CATSPERT: variants seen among roughly 807,000 people sequenced by gnomAD.
CATSPERT encodes the protein catsper channel auxiliary subunit tau.
the CATSPERT span, among the ~76,000 whole-genome samples, chr2:201,559,085 T>C: frequency 6.6e-6 from 1 of 152,186 alleles, no homozygotes; most frequent in African/African-American, 2.4e-5. Context: ...GCAGCTGATA[T>C]ATCCCTGGGC....
chr2:201,592,140 A>C, the CATSPERT span, among the ~76,000 whole-genome samples: 2 of 152,258 alleles, frequency 1.3e-5, no homozygotes, highest in East Asian at 3.9e-4. Context: ...GATAGCTCTT[A>C]TTATTTTGAA....
At chr2:201,534,384 A>C in the CATSPERT span, 1 of 980,812 alleles carries the variant, frequency 1.0e-6, no homozygotes, top group Non-Finnish European at 1.2e-6. Flanking sequence ...ATACAGCAAT[A>C]AATAACTTAC....
chr2:201,588,894 A>G, the CATSPERT span, among the ~76,000 whole-genome samples: 6 of 152,188 alleles, frequency 3.9e-5, no homozygotes, highest in African/African-American at 1.4e-4. Flanking sequence ...TAAAACTGAT[A>G]AACAACTTCA....
At chr2:201,502,180 C>A in the CATSPERT span, among the ~76,000 whole-genome samples, 2 of 152,198 alleles carry the variant, frequency 1.3e-5, no homozygotes, top group African/African-American at 2.4e-5. Context: ...CTCCAAAAAA[C>A]GTTTCTACTG....
chr2:201,560,746 T>G, the CATSPERT span, among the ~76,000 whole-genome samples: 2 of 151,694 alleles, frequency 1.3e-5, no homozygotes. Flanking sequence ...TAAATGAGAA[T>G]GCGCTGACCA....
At chr2:201,573,009 GT>G in the CATSPERT span, among the ~76,000 whole-genome samples, 1 of 152,196 alleles carries the variant, frequency 6.6e-6, no homozygotes, top group Non-Finnish European at 1.5e-5. Flanking sequence ...GCAAATAAAG[GT>G]CATTTCCCCT....
the CATSPERT span, among the ~76,000 whole-genome samples, chr2:201,598,781 A>T: frequency 6.6e-6 from 1 of 152,072 alleles, no homozygotes; most frequent in Non-Finnish European, 1.5e-5. Context: ...GGGTTTCACC[A>T]TGTTAATCAG....
At chr2:201,566,545 T>C in the CATSPERT span, among the ~76,000 whole-genome samples, 8,288 of 152,022 alleles carry the variant, frequency 0.055, 269 homozygotes, top group African/African-American at 0.079. Context: ...TCATCCTTTT[T>C]TATGGCTGCA....
the CATSPERT span, among the ~76,000 whole-genome samples, chr2:201,524,449 G>A: frequency 6.6e-6 from 1 of 152,116 alleles, no homozygotes; most frequent in African/African-American, 2.4e-5. Context: ...CATCAGAACT[G>A]CCTTACAAGA....
At chr2:201,496,555 C>T in the CATSPERT span, among the ~76,000 whole-genome samples, 1 of 152,202 alleles carries the variant, frequency 6.6e-6, no homozygotes, top group Non-Finnish European at 1.5e-5. Context: ...GTTGGCCAGG[C>T]TGGTCTCGAA....
chr2:201,521,427 C>A, the CATSPERT span, among the ~76,000 whole-genome samples: 1 of 96,676 alleles, frequency 1.0e-5, no homozygotes, highest in Non-Finnish European at 2.3e-5. Flanking sequence ...GAGAGAGAGA[C>A]AGACAGAGAG....
the CATSPERT span, among the ~76,000 whole-genome samples, chr2:201,509,124 A>G: frequency 6.6e-6 from 1 of 150,760 alleles, no homozygotes; most frequent in Non-Finnish European, 1.5e-5. Flanking sequence ...AACAGTGCAC[A>G]AGGGTTCCAA....
chr2:201,605,320 GC>G, the CATSPERT span, among the ~76,000 whole-genome samples: 1 of 152,106 alleles, frequency 6.6e-6, no homozygotes, highest in Non-Finnish European at 1.5e-5. Context: ...CACAGCAATG[GC>G]CATAGAGAAG....
At chr2:201,603,120 A>C in the CATSPERT span, 1 of 943,818 alleles carries the variant, frequency 1.1e-6, no homozygotes, top group Non-Finnish European at 1.6e-6. Flanking sequence ...TAAAATGGTC[A>C]ATGTGTTAAG....
the CATSPERT span, among the ~76,000 whole-genome samples, chr2:201,564,403 G>A: frequency 3.3e-5 from 5 of 150,936 alleles, no homozygotes; most frequent in Admixed American, 2.0e-4. Context: ...CTAAGCATGT[G>A]AGAATGTAAG....
chr2:201,595,191 CTTT>C, the CATSPERT span, among the ~76,000 whole-genome samples: 14 of 111,708 alleles, frequency 1.3e-4, no homozygotes, highest in Non-Finnish European at 1.2e-4. Context: ...AGTTTTCCTT[CTTT>C]TTTTTTTTTT....
At chr2:201,518,036 G>T in the CATSPERT span, among the ~76,000 whole-genome samples, 1 of 152,194 alleles carries the variant, frequency 6.6e-6, no homozygotes, top group African/African-American at 2.4e-5. Flanking sequence ...AAGTCATTAG[G>T]ATTGCAGAGC....
the CATSPERT span, among the ~76,000 whole-genome samples, chr2:201,502,637 G>A: frequency 6.7e-6 from 1 of 149,004 alleles, no homozygotes; most frequent in Non-Finnish European, 1.5e-5. Flanking sequence ...ATTTAAATCT[G>A]TAAATAATGT....
chr2:201,587,948 A>C, the CATSPERT span, among the ~76,000 whole-genome samples: 1 of 152,182 alleles, frequency 6.6e-6, no homozygotes, highest in African/African-American at 2.4e-5. Flanking sequence ...TGAACCAGGA[A>C]GAAACTGAAT....
Sources: gnomAD v4.1 joint callset for allele counts (sites outside exome capture counted in the v4.1 genomes callset) on GRCh38, gnomAD v4.1.1 for gene constraint, MANE v1.5 for transcripts, NCBI Gene and HGNC (gene_info 2026-07-23, HGNC 2026-07-21) for gene names.